Variants in LNPK observed in about 807,000 individuals in gnomAD.
The protein encoded by LNPK is lunapark, ER junction formation factor.
A neutral mutation model predicts 55.2 loss-of-function variants in LNPK; 29 were observed. That is an observed-to-expected ratio of 0.53 (90% CI 0.39 to 0.72). The LOEUF (loss-of-function observed/expected upper bound fraction) is 0.72, where lower values mean the gene tolerates loss of function less well. LNPK is among the 30% of genes least tolerant of loss of function. The pLI is 0.00. For missense variants in LNPK, 467 were observed against 494.8 expected, an observed-to-expected ratio of 0.94 and a Z score of 0.53; for synonymous variants, 162 against 168.2, an observed-to-expected ratio of 0.96 and a Z score of 0.29.
intron 4 of LNPK, among the ~76,000 whole-genome samples, chr2:175,984,125 A>ACAATC (rs1017771440): frequency 6.6e-6 from 1 of 152,088 alleles, no homozygotes; most frequent in Non-Finnish European, 1.5e-5. Flanking sequence ...AAAAGACAAG[A>ACAATC]CAATCTAAAG....
At chr2:175,957,667 T>C (rs1271264772) in intron 8 of LNPK, among the ~76,000 whole-genome samples, 1 of 152,166 alleles carries the variant, frequency 6.6e-6, no homozygotes. Context: ...GATTTCTGGA[T>C]TTCCAACTGA....
intron 9 of LNPK, among the ~76,000 whole-genome samples, chr2:175,940,790 A>G (rs1276471745): frequency 6.6e-6 from 1 of 152,200 alleles, no homozygotes; most frequent in Non-Finnish European, 1.5e-5. Context: ...AAGATTCAGT[A>G]TGCTAAGTAG....
chr2:175,986,839 G>A (rs1687437490), intron 4 of LNPK, among the ~76,000 whole-genome samples: 3 of 151,524 alleles, frequency 2.0e-5, no homozygotes, highest in African/African-American at 7.3e-5. Context: ...ATGCCCAATG[G>A]TGAAACATTA....
At chr2:175,949,310 A>T (rs1574832583) in intron 8 of LNPK, among the ~76,000 whole-genome samples, 2 of 152,144 alleles carry the variant, frequency 1.3e-5, no homozygotes, top group African/African-American at 4.8e-5. Flanking sequence ...TTTACTCACA[A>T]GGAGCACCTT....
At chr2:175,993,741 C>T (rs1310109978) in intron 2 of LNPK, among the ~76,000 whole-genome samples, 2 of 151,664 alleles carry the variant, frequency 1.3e-5, no homozygotes, top group South Asian at 4.2e-4. Flanking sequence ...TGCAGTGAGC[C>T]GAGATCGCAC....
intron 5 of LNPK, among the ~76,000 whole-genome samples, chr2:175,971,546 A>G (rs1214956706): frequency 6.6e-6 from 1 of 152,168 alleles, no homozygotes; most frequent in Non-Finnish European, 1.5e-5. Context: ...TGAAATGTAA[A>G]TAACTGTTCT....
At chr2:175,946,784 G>A (rs1317565473) in intron 9 of LNPK, among the ~76,000 whole-genome samples, 1 of 151,890 alleles carries the variant, frequency 6.6e-6, no homozygotes, top group Non-Finnish European at 1.5e-5. Flanking sequence ...ATATGACATG[G>A]AAATCTACAT....
chr2:175,974,300 TAATAAA>T (rs1686788697), intron 5 of LNPK, among the ~76,000 whole-genome samples: 1 of 152,154 alleles, frequency 6.6e-6, no homozygotes, highest in Admixed American at 6.6e-5. Context: ...TATGCACGGG[TAATAAA>T]AATAAAATAA....
chr2:175,963,780 G>A (rs1686191887), intron 8 of LNPK, among the ~76,000 whole-genome samples: 1 of 151,656 alleles, frequency 6.6e-6, no homozygotes, highest in Admixed American at 6.6e-5. Flanking sequence ...CTTTTCCCAT[G>A]CCAGTCTGGG....
At chr2:175,952,654 A>C (rs947666994) in intron 8 of LNPK, among the ~76,000 whole-genome samples, 1 of 151,872 alleles carries the variant, frequency 6.6e-6, no homozygotes, top group Non-Finnish European at 1.5e-5. Flanking sequence ...CTAAAAAATG[A>C]CTTTATAACC....
At chr2:175,980,140 C>T (rs193043927) in intron 4 of LNPK, among the ~76,000 whole-genome samples, 176 of 152,268 alleles carry the variant, frequency 1.2e-3, no homozygotes, top group Non-Finnish European at 2.1e-3. Context: ...TCTGGAAAGA[C>T]CATTGCTTTC....
intron 12 of LNPK, chr2:175,932,027 A>G: frequency 2.7e-6 from 1 of 375,236 alleles, no homozygotes; most frequent in Non-Finnish European, 5.3e-6. Flanking sequence ...CTTCTGAAAC[A>G]AACCAATAAA....
intron 8 of LNPK, among the ~76,000 whole-genome samples, chr2:175,958,837 A>C (rs1685840595): frequency 6.6e-6 from 1 of 152,188 alleles, no homozygotes; most frequent in African/African-American, 2.4e-5. Context: ...AAGATTAGAC[A>C]AATGGCTAAC....
At chr2:175,961,916 A>T (rs1221264648) in intron 8 of LNPK, among the ~76,000 whole-genome samples, 12 of 152,172 alleles carry the variant, frequency 7.9e-5, no homozygotes, top group Admixed American at 7.9e-4. Context: ...TTAACAGACA[A>T]ACAGAGAACC....
In LNPK at chr2:175,929,797, T is replaced by G. The variant is rs1321758537; in HGVS notation, c.*170A>C. ...CACTGATATAACTTGCTTTTAATTTTAATACCCAGTATATATAACTTTGAG... is the reference window on the plus strand; with the variant it reads ...CACTGATATAACTTGCTTTTAATTTGAATACCCAGTATATATAACTTTGAG... On this transcript the variant is annotated 3_prime_UTR_variant, in exon 13 of 13. Coordinates refer to ENST00000272748, the MANE Select transcript of LNPK (RefSeq NM_030650.3). 2.8e-6 allele frequency: 4 copies of G among 1,430,484 alleles called. No homozygotes were observed. In the East Asian group the frequency reaches 1.0e-4, roughly 36 times the overall value. 88.6% of individuals were successfully genotyped at this position (1,430,484 alleles called of 1,614,324 possible).
intron 8 of LNPK, among the ~76,000 whole-genome samples, chr2:175,951,900 A>AT (rs952756651): frequency 6.6e-5 from 10 of 151,392 alleles, no homozygotes; most frequent in African/African-American, 2.4e-4. Flanking sequence ...AACATCTTCT[A>AT]TTTTTTTAAT....
intron 6 of LNPK, chr2:175,967,795 T>C: frequency 1.0e-6 from 1 of 965,656 alleles, no homozygotes; most frequent in Non-Finnish European, 1.2e-6. Flanking sequence ...CTTCTGTTAT[T>C]GTGTAGCCTA....
intron 9 of LNPK, among the ~76,000 whole-genome samples, chr2:175,943,978 G>A (rs1684992422): frequency 6.6e-6 from 1 of 152,090 alleles, no homozygotes; most frequent in African/African-American, 2.4e-5. Context: ...TGGAAAGGGA[G>A]AAGTAGAATT....
chr2:175,964,997 T>C (rs908767123), intron 6 of LNPK, among the ~76,000 whole-genome samples: 1 of 152,200 alleles, frequency 6.6e-6, no homozygotes, highest in Admixed American at 6.5e-5. Context: ...GCCAAGAGCT[T>C]TACAAAATAA....
Sources: gnomAD v4.1 joint callset for allele counts (sites outside exome capture counted in the v4.1 genomes callset) on GRCh38, gnomAD v4.1.1 for gene constraint, MANE v1.5 for transcripts, NCBI Gene and HGNC (gene_info 2026-07-23, HGNC 2026-07-21) for gene names.